P2RY14: variants seen among roughly 807,000 people sequenced by gnomAD.
P2RY14 encodes P2Y purinoceptor 14.
In P2RY14, 2 loss-of-function variants were observed where a neutral mutation model predicts 0.9. The ratio of observed to expected loss-of-function variants is 2.16; its 90% CI spans 0.88 to 6.79. The LOEUF is 6.79. Ranked by LOEUF, P2RY14 falls within the 30% of genes most tolerant of loss-of-function variation. The pLI is 0.05. For synonymous variants in P2RY14, 158 were observed against 147.2 expected (o/e 1.07, Z -0.53); for missense variants, 378 against 400.1 (o/e 0.94, Z 0.47).
intron 1 of P2RY14, among the ~76,000 whole-genome samples, chr3:151,247,096 TA>T (rs1302301918): frequency 6.6e-5 from 10 of 152,072 alleles, no homozygotes; most frequent in Non-Finnish European, 1.3e-4. Flanking sequence ...TGGCAATAAT[TA>T]AAAAGTCAGG....
intron 1 of P2RY14, among the ~76,000 whole-genome samples, chr3:151,232,641 ATGGATGGAGC>A (rs1407400175): frequency 6.6e-6 from 1 of 152,222 alleles, no homozygotes; most frequent in Non-Finnish European, 1.5e-5. Context: ...TTGTGGGAAT[ATGGATGGAGC>A]TGGAAACCAT....
At chr3:151,235,929 C>G (rs562912451) in intron 1 of P2RY14, among the ~76,000 whole-genome samples, 1 of 152,054 alleles carries the variant, frequency 6.6e-6, no homozygotes, top group Admixed American at 6.5e-5. Context: ...TTTCTCTTGT[C>G]TCCCTTTGTT....
intron 1 of P2RY14, among the ~76,000 whole-genome samples, chr3:151,267,143 T>C (rs965834839): frequency 6.6e-6 from 1 of 152,206 alleles, no homozygotes; most frequent in South Asian, 2.1e-4. Flanking sequence ...TTTGACTGTT[T>C]ACAGGAACTA....
In P2RY14 at chr3:151,214,308, A is replaced by G; in HGVS notation, c.9T>C (p.Asn3=). The stretch of plus-strand genomic sequence containing the variant: ...CATCTGGAGGCTGTGTGGAGGTTGA[A>G]TTGATCATCTTGTAACTTCTGAAGG... MI[N]STSTQPPDES... Residue 3 remains asparagine, a synonymous_variant, in exon 3 of 3, where the codon AAT becomes AAC. Transcript: ENST00000309170. 1 of 1,612,622 alleles carries G rather than the reference A, an allele frequency of 6.2e-7. No homozygotes were observed. Among genetic ancestry groups the G allele is most frequent in the Non-Finnish European group, 8.5e-7 (1 of 1,179,242 alleles).
intron 2 of P2RY14, among the ~76,000 whole-genome samples, chr3:151,214,603 C>T (rs1344773389): frequency 6.6e-6 from 1 of 150,436 alleles, no homozygotes; most frequent in Non-Finnish European, 1.5e-5. Context: ...CCCTCTCCCC[C>T]TCCCTTTTCC....
At position 151,263,995 on chromosome 3, in the gene P2RY14, C is replaced by G. The variant is rs140201953; in HGVS notation, c.-133+14292G>C. Among the ~76,000 whole-genome samples, 766 of 152,350 alleles carry G rather than the reference C, an allele frequency of 5.0e-3. 12 individuals are homozygous for G. Among genetic ancestry groups the G allele is most frequent in the African/African-American group, 0.017 (714 of 41,588 alleles). Reference sequence around the variant, plus strand: ...TCTCTTACCACCACTCCTTCCCTCTCCCCTACCCACTTAACAGTATATCAT... The same window carrying G: ...TCTCTTACCACCACTCCTTCCCTCTGCCCTACCCACTTAACAGTATATCAT... On this transcript the variant is annotated intron_variant, in intron 1 of 2. Coordinates refer to ENST00000309170, the MANE Select transcript of P2RY14 (RefSeq NM_014879.4).
At chr3:151,239,191 A>G (rs1433222345) in intron 1 of P2RY14, among the ~76,000 whole-genome samples, 1 of 152,244 alleles carries the variant, frequency 6.6e-6, no homozygotes, top group Non-Finnish European at 1.5e-5. Flanking sequence ...TACATGACCA[A>G]TGTATGATGT....
chr3:151,217,212 AT>A (rs1728411129), intron 2 of P2RY14, among the ~76,000 whole-genome samples: 1 of 152,222 alleles, frequency 6.6e-6, no homozygotes, highest in African/African-American at 2.4e-5. Context: ...ATTTATAGAA[AT>A]AGTGAATCCC....
chr3:151,242,706 C>T (rs191380317), intron 1 of P2RY14, among the ~76,000 whole-genome samples: 12 of 152,288 alleles, frequency 7.9e-5, no homozygotes, highest in East Asian at 1.9e-4. Context: ...AAAAAGAGAG[C>T]GCCTCTCCTC....
At chr3:151,274,948 C>A (rs1465145017) in intron 1 of P2RY14, among the ~76,000 whole-genome samples, 1 of 152,256 alleles carries the variant, frequency 6.6e-6, no homozygotes, top group East Asian at 1.9e-4. Flanking sequence ...GGATTTCATT[C>A]ATCATCTGTA....
intron 1 of P2RY14, among the ~76,000 whole-genome samples, chr3:151,227,016 T>C (rs893761427): frequency 6.6e-6 from 1 of 152,188 alleles, no homozygotes; most frequent in Admixed American, 6.5e-5. Flanking sequence ...TGCTTGCTGC[T>C]GTTTGTCACC....
In P2RY14 at chr3:151,264,675, A is replaced by T. The variant is rs147725890; in HGVS notation, c.-133+13612T>A. 5.1e-3 allele frequency among the ~76,000 whole-genome samples: 770 copies of T among 152,316 alleles called. 12 individuals are homozygous for T. The highest frequency in any genetic ancestry group is 0.017 in the African/African-American group (718 of 41,562). On this transcript the variant is annotated intron_variant, in intron 1 of 2. Coordinates refer to ENST00000309170, the MANE Select transcript of P2RY14 (RefSeq NM_014879.4). ...GAGCAGGAGCCTCCTGTGACCTTCC[A>T]GCCTGTGCCCCCTACCCCAGCCAGC...
intron 1 of P2RY14, among the ~76,000 whole-genome samples, chr3:151,272,043 C>G (rs1219352395): frequency 6.6e-6 from 1 of 152,180 alleles, no homozygotes; most frequent in Non-Finnish European, 1.5e-5. Context: ...AAAACTTGCT[C>G]TTGAAGCAAT....
At chr3:151,269,935 G>C (rs958461479) in intron 1 of P2RY14, 3 of 424,346 alleles carry the variant, frequency 7.1e-6, no homozygotes, top group Admixed American at 5.9e-5. Context: ...AGTTGGGAGA[G>C]TTCATCAAAG....
At chr3:151,269,322 C>T (rs1315832155) in intron 1 of P2RY14, 1 of 157,704 alleles carries the variant, frequency 6.3e-6, no homozygotes, top group African/African-American at 2.4e-5. Context: ...ATCACTAGAA[C>T]CTGGGAGGTG....
chr3:151,246,602 C>T (rs1383994649), intron 1 of P2RY14, among the ~76,000 whole-genome samples: 2 of 152,140 alleles, frequency 1.3e-5, no homozygotes, highest in Non-Finnish European at 2.9e-5. Flanking sequence ...CTTTCTTACA[C>T]CTTATACAAA....
At chr3:151,231,598 A>T (rs557854424) in intron 1 of P2RY14, among the ~76,000 whole-genome samples, 1 of 152,348 alleles carries the variant, frequency 6.6e-6, no homozygotes, top group East Asian at 1.9e-4. Context: ...AAAAAAATCA[A>T]TGCCACGAGA....
chr3:151,227,424 G>A (rs1251908177), intron 1 of P2RY14, among the ~76,000 whole-genome samples: 1 of 152,082 alleles, frequency 6.6e-6, no homozygotes, highest in Admixed American at 6.5e-5. Flanking sequence ...GGTAAGGGGG[G>A]ACGGATTAGG....
chr3:151,216,297 G>A (rs943458833), intron 2 of P2RY14, among the ~76,000 whole-genome samples: 1 of 152,190 alleles, frequency 6.6e-6, no homozygotes, highest in Non-Finnish European at 1.5e-5. Flanking sequence ...TGGGAACAGT[G>A]GGTACCTTGA....
Sources: allele counts gnomAD v4.1 joint callset (sites outside exome capture counted in the v4.1 genomes callset), GRCh38; gene constraint gnomAD v4.1.1; transcripts MANE v1.5; gene names NCBI Gene and HGNC (gene_info 2026-07-23, HGNC 2026-07-21).